The following TIPIN variants were observed in gnomAD, a reference collection of about 807,000 sequenced individuals.
TIPIN encodes TIMELESS interacting protein, also known as TIMELESS-interacting protein.
In TIPIN, 29 loss-of-function variants were observed where a neutral mutation model predicts 35.6. The ratio of observed to expected loss-of-function variants is 0.82; its 90% CI spans 0.61 to 1.11. The LOEUF (loss-of-function observed/expected upper bound fraction) is 1.11. Ranked by LOEUF, TIPIN falls within the 50% of genes most tolerant of loss-of-function variation. TIPIN has a pLI of 0.00. For synonymous variants in TIPIN, 102 were observed against 121.5 expected, an observed-to-expected ratio of 0.84 and a Z score of 1.06; for missense variants, 296 against 345.4, an observed-to-expected ratio of 0.86 and a Z score of 1.13.
At chr15:66,371,670 T>G (rs12911588) in intron 1 of TIPIN, among the ~76,000 whole-genome samples, 1 of 151,756 alleles carries the variant, frequency 6.6e-6, no homozygotes, top group African/African-American at 2.4e-5. Flanking sequence ...CCCGCCACCA[T>G]GCCTGGCTAA....
rs572591294 is a variant in TIPIN, at chr15:66,373,424, C to T, written c.-9+13183G>A. On this transcript the variant is annotated intron_variant, in intron 1 of 7. Transcript: ENST00000562124. ...AGCAGAATGGCATGAACCCGGGAGG[C>T]GGAGCTTGCAGTGAGCTGAGATCGC... 6.0e-5 allele frequency among the ~76,000 whole-genome samples: 9 copies of T among 149,848 alleles called. No individual in the cohort carries two copies. The South Asian group carries it at 1.7e-3, about 28-fold the overall frequency.
At chr15:66,378,043 T>A (rs2093304070) in intron 1 of TIPIN, among the ~76,000 whole-genome samples, 1 of 151,686 alleles carries the variant, frequency 6.6e-6, no homozygotes, top group Non-Finnish European at 1.5e-5. Context: ...TCTCACTCAG[T>A]CACCCAGGCT....
chr15:66,349,510 C>T, intron 4 of TIPIN, 73 bp from the exon 5 acceptor site: 1 of 1,545,632 alleles, frequency 6.5e-7, no homozygotes, highest in South Asian at 1.2e-5. Flanking sequence ...ACTTTCAGAA[C>T]TGAAAAGCTA....
upstream of TIPIN, among the ~76,000 whole-genome samples, chr15:66,356,923 T>C (rs1211499778): frequency 6.6e-6 from 1 of 152,092 alleles, no homozygotes; most frequent in Non-Finnish European, 1.5e-5. Context: ...GTTTTTCTTT[T>C]TTTTTTTTCT....
chr15:66,353,392 C>T (rs962687669), intron 1 of TIPIN, among the ~76,000 whole-genome samples: 11 of 151,930 alleles, frequency 7.2e-5, no homozygotes, highest in Non-Finnish European at 1.2e-4. Flanking sequence ...CCGAGGCGGG[C>T]GGATCACGAG....
intron 7 of TIPIN, 142 bp from the exon 8 acceptor site, chr15:66,337,323 T>C: frequency 1.8e-6 from 1 of 550,060 alleles, no homozygotes; most frequent in Non-Finnish European, 3.0e-6. Flanking sequence ...TTCTTCTAAA[T>C]ATATCTTTTT....
At chr15:66,354,690 G>T (rs2140468819) in intron 1 of TIPIN, among the ~76,000 whole-genome samples, 1 of 152,206 alleles carries the variant, frequency 6.6e-6, no homozygotes, top group South Asian at 2.1e-4. Flanking sequence ...TTCTTTCCTT[G>T]AAAGAGCTAT....
intron 1 of TIPIN, among the ~76,000 whole-genome samples, chr15:66,363,512 G>A (rs890131815): frequency 4.0e-5 from 6 of 151,292 alleles, no homozygotes; most frequent in African/African-American, 7.3e-5. Flanking sequence ...CGTGGTGGCC[G>A]GCACCTGTAG....
In TIPIN at chr15:66,376,428, T is replaced by C. The variant is rs575540591; in HGVS notation, c.-9+10179A>G. Among the ~76,000 whole-genome samples, 200 of 151,964 alleles carry C rather than the reference T, an allele frequency of 1.3e-3. 1 individual carries two copies. The highest frequency in any genetic ancestry group is 4.6e-3 in the African/African-American group (191 of 41,484). On this transcript the variant is annotated intron_variant, in intron 1 of 7. Coordinates refer to the TIPIN transcript ENST00000562124. ...TATATATGTCTAATAATTTTTTTCT[T>C]TTTTTTTGTTTTTGTTTTTGAGACG... is the stretch of plus-strand genomic sequence containing the variant.
chr15:66,381,646 G>A (rs1280165196), intron 1 of TIPIN, among the ~76,000 whole-genome samples: 1 of 152,142 alleles, frequency 6.6e-6, no homozygotes, highest in East Asian at 1.9e-4. Flanking sequence ...ATAATACTAT[G>A]TTGATCATTC....
At chr15:66,382,154 A>G (rs2093321049) in intron 1 of TIPIN, 1 of 161,646 alleles carries the variant, frequency 6.2e-6, no homozygotes, top group East Asian at 1.9e-4. Flanking sequence ...GTTAGGCACT[A>G]TTCTTTCAAA....
intron 1 of TIPIN, among the ~76,000 whole-genome samples, chr15:66,377,840 CTAAT>C (rs1365438059): frequency 6.6e-6 from 1 of 151,508 alleles, no homozygotes; most frequent in Non-Finnish European, 1.5e-5. Flanking sequence ...TTACACCCGA[CTAAT>C]TTTTTCTTTT....
At chr15:66,367,101 A>G (rs1439674746) in intron 1 of TIPIN, among the ~76,000 whole-genome samples, 1 of 151,860 alleles carries the variant, frequency 6.6e-6, no homozygotes, top group Admixed American at 6.6e-5. Flanking sequence ...AATCGCTCAA[A>G]ATGGGGATGC....
chr15:66,359,091 G>A (rs899737845), upstream of TIPIN, among the ~76,000 whole-genome samples: 2 of 150,462 alleles, frequency 1.3e-5, no homozygotes, highest in Non-Finnish European at 3.0e-5. Flanking sequence ...TGTCGAGGCT[G>A]CAGTGAGCCA....
At chr15:66,359,469 C>T (rs762423030), upstream of TIPIN, among the ~76,000 whole-genome samples, 3 of 151,964 alleles carry the variant, frequency 2.0e-5, no homozygotes, top group Non-Finnish European at 4.4e-5. Flanking sequence ...CTCAGCCACT[C>T]GAATATCTGG....
upstream of TIPIN, among the ~76,000 whole-genome samples, chr15:66,361,562 T>TAAAAA (rs376136865): frequency 7.5e-6 from 1 of 133,784 alleles, no homozygotes; most frequent in African/African-American, 2.7e-5. Flanking sequence ...ACCTGTAATT[T>TAAAAA]AAAAAAAAAA....
At chr15:66,376,432 TTTTG>T (rs762973830) in intron 1 of TIPIN, among the ~76,000 whole-genome samples, 147 of 152,192 alleles carry the variant, frequency 9.7e-4, no homozygotes, top group Middle Eastern at 3.4e-3. Flanking sequence ...TTTTCTTTTT[TTTTG>T]TTTTTGTTTT....
intron 6 of TIPIN, 50 bp downstream of exon 6, chr15:66,349,010 C>G (rs767001756): frequency 6.8e-7 from 1 of 1,479,502 alleles, no homozygotes; most frequent in Non-Finnish European, 9.4e-7. Flanking sequence ...CTGCCTAGAT[C>G]TATTTCTAAA....
intron 1 of TIPIN, among the ~76,000 whole-genome samples, chr15:66,384,317 CAG>C (rs1463142820): frequency 6.6e-6 from 1 of 150,844 alleles, no homozygotes; most frequent in Non-Finnish European, 1.5e-5. Flanking sequence ...ATTTTTGAGA[CAG>C]AGTCTTGCTC....
Sources: allele counts gnomAD v4.1 joint callset (sites outside exome capture counted in the v4.1 genomes callset), GRCh38; gene constraint gnomAD v4.1.1; transcripts MANE v1.5; gene names NCBI Gene and HGNC (gene_info 2026-07-23, HGNC 2026-07-21).